Variants in COL17A1 observed in about 807,000 individuals in gnomAD.
COL17A1 encodes the protein collagen type XVII alpha 1 chain.
Under a neutral mutation model 218.4 loss-of-function variants are expected in COL17A1, and 181 were observed. The observed-to-expected ratio is 0.83, with a 90% CI of 0.73 to 0.94. The LOEUF is 0.94. Among genes scored for constraint, COL17A1 ranks in the 40% least tolerant of loss-of-function variants. The probability of loss-of-function intolerance (pLI) is 0.00; values close to 1 mark genes in which losing one functional copy is unlikely to be tolerated. For missense variants in COL17A1, 1,924 were observed against 1,945.9 expected (o/e 0.99, Z 0.21); for synonymous variants, 721 against 731.0 (o/e 0.99, Z 0.22).
rs1170808116 is a variant in COL17A1, at chr10:104,080,591, C to T, written c.52+31G>A. On this transcript the variant is annotated intron_variant, in intron 2 of 55. Coordinates refer to ENST00000648076, the MANE Select transcript of COL17A1 (RefSeq NM_000494.4). ...AATTTTTATTACTTTCATAATAAAA[C>T]ACATAAATTAAAAAATTCTGATGCT... The T allele has an allele frequency of 1.9e-6, 3 of 1,608,978 alleles. No homozygotes were observed. In the African/African-American group the frequency reaches 4.0e-5, roughly 21 times the overall value.
chr10:104,070,091 C>T (rs1445655080), intron 9 of COL17A1, among the ~76,000 whole-genome samples: 1 of 152,028 alleles, frequency 6.6e-6, no homozygotes, highest in Non-Finnish European at 1.5e-5. Flanking sequence ...TTGGATAGGG[C>T]CCAGTACTAG....
intron 28 of COL17A1, 32 bp from the exon 29 acceptor site, chr10:104,049,503 A>G (rs1386445126): frequency 1.2e-6 from 2 of 1,610,398 alleles, no homozygotes; most frequent in Non-Finnish European, 1.7e-6. Context: ...CTGGTTGGAC[A>G]CTTGCAAGCT....
At chr10:104,052,489 C>T (rs1273852038) in intron 23 of COL17A1, among the ~76,000 whole-genome samples, 2 of 152,178 alleles carry the variant, frequency 1.3e-5, no homozygotes, top group African/African-American at 4.8e-5. Context: ...GAAAATAAAG[C>T]TTCCTGCTCA....
Position 104,041,506 on chromosome 10 carries a change from G to C in COL17A1, c.2584C>G (p.Pro862Ala). ...VLNLQGPPGP[P>A]GPRGPPGPSI... ...TCACCTGGTGGCCCGCGTGGGCCGGGTGGGCCTGGGGGACCTTGTAAATTA... is the reference window on the plus strand; with the variant it reads ...TCACCTGGTGGCCCGCGTGGGCCGGCTGGGCCTGGGGGACCTTGTAAATTA... Residue 862 changes from proline (P) to alanine (A), a missense_variant, in exon 37 of 56, where the codon CCC becomes GCC. Transcript: ENST00000648076. 6.2e-7 allele frequency: 1 copy of C among 1,613,704 alleles called. No individual in the cohort carries two copies. The highest frequency in any genetic ancestry group is 8.5e-7 in the Non-Finnish European group (1 of 1,179,580).
intron 19 of COL17A1, 120 bp from the exon 20 acceptor site, chr10:104,055,127 C>A: frequency 6.5e-7 from 1 of 1,541,830 alleles, no homozygotes; most frequent in Non-Finnish European, 8.8e-7. Flanking sequence ...AGGCGACATG[C>A]GGCGAGTCCC....
chr10:104,060,001 G>T, intron 14 of COL17A1, 118 bp downstream of exon 14: 2 of 1,512,122 alleles, frequency 1.3e-6, no homozygotes, highest in Non-Finnish European at 1.8e-6. Flanking sequence ...CTTTTCATTA[G>T]AATGGGATGG....
At chr10:104,043,774 G>A in intron 34 of COL17A1, 51 bp downstream of exon 34, 1 of 1,604,674 alleles carries the variant, frequency 6.2e-7, no homozygotes. Flanking sequence ...CAAGGTAGGT[G>A]CCCAGTATAA....
At chr10:104,079,788 G>A (rs2086747961) in intron 2 of COL17A1, among the ~76,000 whole-genome samples, 1 of 152,082 alleles carries the variant, frequency 6.6e-6, no homozygotes, top group Non-Finnish European at 1.5e-5. Flanking sequence ...TTAGCTGGGT[G>A]TGGTGGTGGG....
rs1445750615 is a variant in COL17A1, at chr10:104,070,482, G to C, written c.551C>G (p.Pro184Arg). The change falls in exon 9 of 56, where the codon CCC becomes CGC. Residue 184 changes from proline to arginine, a missense_variant. Transcript: ENST00000648076. The stretch of plus-strand genomic sequence containing the variant: ...CTCCACAGTGCCTTTCTTGGGGATG[G>C]GGAGTGTGTTGGAGGAATTCCGGGT... ...SPTRNSSNTL[P>R]IPKKGTVETK... 1.2e-6 allele frequency: 2 copies of C among 1,614,192 alleles called. No individual in the cohort carries two copies. The highest frequency in any genetic ancestry group is 1.7e-6 in the Non-Finnish European group (2 of 1,180,048).
At chr10:104,078,696 A>G (rs1317951046) in intron 2 of COL17A1, 110 bp from the exon 3 acceptor site, 2 of 1,460,394 alleles carry the variant, frequency 1.4e-6, no homozygotes, top group East Asian at 2.4e-5. Context: ...TAGGTTCGAC[A>G]TTGATTTTTC....
intron 2 of COL17A1, 122 bp downstream of exon 2, chr10:104,080,500 G>C: frequency 1.7e-6 from 2 of 1,154,272 alleles, no homozygotes; most frequent in South Asian, 2.7e-5. Flanking sequence ...GTCCATTTAG[G>C]AACACACTTA....
intron 13 of COL17A1, 94 bp downstream of exon 13, chr10:104,061,311 C>T (rs1249526260): frequency 1.6e-6 from 2 of 1,264,666 alleles, no homozygotes; most frequent in Non-Finnish European, 2.2e-6. Flanking sequence ...TTCCAGTATA[C>T]CATGTGTATT....
intron 50 of COL17A1, 132 bp downstream of exon 50, chr10:104,035,131 G>C (rs1008875655): frequency 4.9e-6 from 4 of 815,412 alleles, no homozygotes; most frequent in Non-Finnish European, 8.1e-6. Context: ...CACATGTGGC[G>C]CTCTCCAGGG....
intron 15 of COL17A1, among the ~76,000 whole-genome samples, chr10:104,058,836 A>G (rs2134624820): frequency 6.6e-6 from 1 of 152,096 alleles, no homozygotes; most frequent in African/African-American, 2.4e-5. Context: ...TGGGAGGCTG[A>G]GGCAGGAGAA....
chr10:104,036,089 A>AGTGTGAGTATGGGT (rs2086290163), intron 48 of COL17A1, among the ~76,000 whole-genome samples: 1 of 1,520 alleles, frequency 6.6e-4, no homozygotes, highest in Non-Finnish European at 1.4e-3. Context: ...TGTGTATGGG[A>AGTGTGAGTATGGGT]GTGTGTGTGT....
intron 8 of COL17A1, 21 bp downstream of exon 8, chr10:104,072,011 A>G (rs765399512): frequency 9.9e-6 from 16 of 1,613,936 alleles, no homozygotes; most frequent in Non-Finnish European, 1.3e-5. Flanking sequence ...CTTTCTTTTC[A>G]GCAAGATCAT....
At chr10:104,061,358 C>G in intron 13 of COL17A1, 47 bp downstream of exon 13, 1 of 1,567,446 alleles carries the variant, frequency 6.4e-7, no homozygotes, top group Non-Finnish European at 8.8e-7. Flanking sequence ...CAGAGTAATC[C>G]TCCCTGTGCA....
At chr10:104,038,121 G>A (rs972363935) in intron 45 of COL17A1, among the ~76,000 whole-genome samples, 3 of 152,128 alleles carry the variant, frequency 2.0e-5, no homozygotes, top group African/African-American at 7.2e-5. Context: ...GTGTGGGCGA[G>A]GTGAGGCTGT....
rs1461354746 is a variant in COL17A1, at chr10:104,031,588, A to G, written c.*647T>C. The G allele has an allele frequency of 6.5e-6, 1 of 153,408 alleles. No individual in the cohort carries two copies. Among genetic ancestry groups the G allele is most frequent in the Non-Finnish European group, 1.5e-5 (1 of 68,914 alleles). The allele number at this position is 153,408 out of a possible 1,614,324, so 9.5% of individuals were successfully genotyped here. A position where few individuals can be genotyped will look rare whatever the true frequency, so the allele number is the denominator to read the frequency against. On this transcript the variant is annotated 3_prime_UTR_variant, in exon 56 of 56. Coordinates refer to ENST00000648076, the MANE Select transcript of COL17A1 (RefSeq NM_000494.4). ...GTATAACATATCCATGAACTCTAGTATGGGCCTACGGACAATCATAGCTAC... is the reference window on the plus strand; with the variant it reads ...GTATAACATATCCATGAACTCTAGTGTGGGCCTACGGACAATCATAGCTAC...
Sources: gnomAD v4.1 joint callset for allele counts (sites outside exome capture counted in the v4.1 genomes callset) on GRCh38, gnomAD v4.1.1 for gene constraint, MANE v1.5 for transcripts, NCBI Gene and HGNC (gene_info 2026-07-23, HGNC 2026-07-21) for gene names.